The following ADGRL2 variants were observed in gnomAD, a reference collection of about 807,000 sequenced individuals.
ADGRL2 encodes the protein adhesion G protein-coupled receptor L2.
A neutral mutation model predicts 157.4 loss-of-function variants in ADGRL2; 44 were observed. That is an observed-to-expected ratio of 0.28 (90% CI 0.22 to 0.36). The LOEUF (loss-of-function observed/expected upper bound fraction) is 0.36. ADGRL2 is among the 10% of genes least tolerant of loss of function. ADGRL2 has a pLI of 1.00. For synonymous variants in ADGRL2, 585 were observed against 624.7 expected (o/e 0.94, Z 0.95); for missense variants, 1,510 against 1,768.9 (o/e 0.85, Z 2.63).
intron 2 of ADGRL2, among the ~76,000 whole-genome samples, chr1:81,461,599 G>T (rs1455179250): frequency 6.6e-6 from 1 of 152,054 alleles, no homozygotes; most frequent in Non-Finnish European, 1.5e-5. Context: ...TTATCTTTTC[G>T]AAACACTTTT....
chr1:81,971,189 A>G (rs1000016429), intron 16 of ADGRL2, among the ~76,000 whole-genome samples: 3 of 152,154 alleles, frequency 2.0e-5, no homozygotes, highest in Non-Finnish European at 4.4e-5. Flanking sequence ...GACTAAAGAA[A>G]GCTTTTTGAC....
intron 3 of ADGRL2, among the ~76,000 whole-genome samples, chr1:81,617,016 T>A (rs188120864): frequency 6.6e-6 from 1 of 152,176 alleles, no homozygotes; most frequent in Non-Finnish European, 1.5e-5. Context: ...TTCACTTCCA[T>A]GGGCAAGTTC....
chr1:81,861,932 T>G (rs1226041690), intron 2 of ADGRL2, among the ~76,000 whole-genome samples: 1 of 152,188 alleles, frequency 6.6e-6, no homozygotes, highest in Non-Finnish European at 1.5e-5. Context: ...GTTTAGTCCT[T>G]AAACATTTTT....
At chr1:81,892,013 T>A (rs2094280970) in intron 2 of ADGRL2, among the ~76,000 whole-genome samples, 1 of 151,758 alleles carries the variant, frequency 6.6e-6, no homozygotes, top group South Asian at 2.1e-4. Flanking sequence ...TCAGAGTTGC[T>A]TTATTTTAAT....
At chr1:81,936,517 T>G (rs2095313037) in intron 3 of ADGRL2, among the ~76,000 whole-genome samples, 1 of 151,820 alleles carries the variant, frequency 6.6e-6, no homozygotes, top group African/African-American at 2.4e-5. Flanking sequence ...TAGTTAAAAT[T>G]TAGTGTGACC....
At chr1:81,313,293 T>C (rs2100564410) in intron 1 of ADGRL2, among the ~76,000 whole-genome samples, 1 of 152,336 alleles carries the variant, frequency 6.6e-6, no homozygotes, top group African/African-American at 2.4e-5. Flanking sequence ...CTTCTCACAG[T>C]CAGTGAGCAG....
chr1:81,725,464 G>C (rs956155413), intron 1 of ADGRL2, among the ~76,000 whole-genome samples: 1 of 151,998 alleles, frequency 6.6e-6, no homozygotes, highest in Non-Finnish European at 1.5e-5. Flanking sequence ...ATTTGAACTC[G>C]GGAGGTGAAG....
chr1:81,660,136 C>G (rs1039192323), intron 3 of ADGRL2, among the ~76,000 whole-genome samples: 5 of 152,108 alleles, frequency 3.3e-5, no homozygotes, highest in African/African-American at 9.7e-5. Flanking sequence ...TTAAACTTTC[C>G]TTTTCTAAAT....
In ADGRL2 at chr1:81,491,317, G is replaced by A. The variant is rs566971768; in HGVS notation, c.-248+46228G>A. On this transcript the variant is annotated intron_variant, in intron 2 of 24. Coordinates refer to the ADGRL2 transcript ENST00000370721. ...GAACAGTAACTAGCAGGAGGCATAT[G>A]GAAGATAGTCTAGTCTAGGTGAGAT... 9.9e-5 allele frequency among the ~76,000 whole-genome samples: 15 copies of A among 152,272 alleles called. No individual in the cohort carries two copies. In the South Asian group the frequency reaches 3.1e-3, roughly 32 times the overall value.
At chr1:81,659,745 A>G (rs2082614795) in intron 3 of ADGRL2, among the ~76,000 whole-genome samples, 2 of 152,188 alleles carry the variant, frequency 1.3e-5, no homozygotes, top group South Asian at 4.1e-4. Flanking sequence ...ATTTTAGTGC[A>G]TCCAACTGGT....
chr1:81,473,337 G>A (rs1404614074), intron 2 of ADGRL2, among the ~76,000 whole-genome samples: 3 of 152,148 alleles, frequency 2.0e-5, no homozygotes, highest in African/African-American at 7.2e-5. Context: ...TGGCACAAGA[G>A]TCTATTGAGC....
At chr1:81,785,334 G>A (rs1180519547) in intron 2 of ADGRL2, among the ~76,000 whole-genome samples, 1 of 152,140 alleles carries the variant, frequency 6.6e-6, no homozygotes, top group Admixed American at 6.5e-5. Flanking sequence ...CTACTACAAT[G>A]TGCACAGAGG....
At chr1:81,601,605 AAG>A (rs1209035684) in intron 3 of ADGRL2, among the ~76,000 whole-genome samples, 2 of 152,200 alleles carry the variant, frequency 1.3e-5, no homozygotes, top group South Asian at 4.1e-4. Context: ...GCCTCAGAAA[AAG>A]AGAGAGAGAG....
chr1:81,660,791 A>C (rs929587502), intron 3 of ADGRL2, among the ~76,000 whole-genome samples: 2 of 152,324 alleles, frequency 1.3e-5, no homozygotes, highest in South Asian at 4.1e-4. Flanking sequence ...ACATTAATGA[A>C]TTTGATCAAA....
intron 2 of ADGRL2, among the ~76,000 whole-genome samples, chr1:81,496,731 A>T (rs942232133): frequency 6.6e-6 from 1 of 152,156 alleles, no homozygotes. Flanking sequence ...TGCTTATTGA[A>T]TTTAGAAGAC....
intron 2 of ADGRL2, among the ~76,000 whole-genome samples, chr1:81,490,477 T>TGGCTGCCC (rs2078608573): frequency 6.6e-6 from 1 of 152,048 alleles, no homozygotes; most frequent in South Asian, 2.1e-4. Context: ...AGCAGCCTAA[T>TGGCTGCCC]AGAAAAATGG....
intron 1 of ADGRL2, among the ~76,000 whole-genome samples, chr1:81,363,625 A>C (rs1376255994): frequency 1.3e-5 from 2 of 152,090 alleles, no homozygotes; most frequent in Non-Finnish European, 2.9e-5. Context: ...ATAAATGACA[A>C]GTGTCCTCCA....
intron 3 of ADGRL2, among the ~76,000 whole-genome samples, chr1:81,923,496 C>A (rs181415548): frequency 6.6e-6 from 1 of 152,014 alleles, no homozygotes; most frequent in African/African-American, 2.4e-5. Flanking sequence ...TCCCTACTTG[C>A]TCTACTGCTC....
At chr1:81,554,674 CCAAT>C (rs1186031527) in intron 2 of ADGRL2, among the ~76,000 whole-genome samples, 2 of 151,954 alleles carry the variant, frequency 1.3e-5, no homozygotes, top group Non-Finnish European at 2.9e-5. Flanking sequence ...TATAAAGCTG[CCAAT>C]CAGAGTTTCT....
Sources: allele counts gnomAD v4.1 joint callset (sites outside exome capture counted in the v4.1 genomes callset), GRCh38; gene constraint gnomAD v4.1.1; transcripts MANE v1.5; gene names NCBI Gene and HGNC (gene_info 2026-07-23, HGNC 2026-07-21).